Variants in DDAH1 observed in about 807,000 individuals in gnomAD.
DDAH1 encodes the protein N(G),N(G)-dimethylarginine dimethylaminohydrolase 1.
In DDAH1, 19 loss-of-function variants were observed where a neutral mutation model predicts 28.8. The observed-to-expected ratio is 0.66, with a 90% CI of 0.46 to 0.97. The LOEUF (loss-of-function observed/expected upper bound fraction) is 0.97. DDAH1 is among the 50% of genes least tolerant of loss of function. The pLI is 0.00. For synonymous variants in DDAH1, 153 were observed against 154.4 expected (o/e 0.99, Z 0.07); for missense variants, 326 against 375.9 (o/e 0.87, Z 1.10).
chr1:85,551,608 A>C (rs1211190368), intron 1 of DDAH1, among the ~76,000 whole-genome samples: 2 of 152,246 alleles, frequency 1.3e-5, no homozygotes, highest in Non-Finnish European at 2.9e-5. Flanking sequence ...TTAGTGATAC[A>C]AAGATGATAA....
At position 85,464,940 on chromosome 1, in the gene DDAH1, C is replaced by G. The variant is rs768295305; in HGVS notation, c.106G>C (p.Glu36Gln). The G allele has an allele frequency of 6.6e-7, 1 of 1,520,204 alleles. No individual in the cohort carries two copies. The highest frequency in any genetic ancestry group is 1.2e-5 in the South Asian group (1 of 81,810). 94.2% of individuals were successfully genotyped at this position (1,520,204 alleles called of 1,614,324 possible). ...TCCGCGCGGGCGACGTCCACCTCCT[C>G]GCCCTTGGCGCTTCTCAGCGCGTGC... The part of the protein sequence containing the change: ...GQHALRSAKG[E>Q]EVDVARAERQ... The change falls in exon 1 of 6, where the codon GAG becomes CAG. Residue 36 changes from glutamate (E) to glutamine (Q), a missense_variant. Glu to Gln is a conservative substitution (Grantham distance 29, BLOSUM62 2). Coordinates refer to ENST00000284031, the MANE Select transcript of DDAH1 (RefSeq NM_012137.4). This position sits in a 1 kb window ranked among gnomAD's most constrained non-coding sequence, Gnocchi z 4.4.
chr1:85,510,297 G>A (rs1657177541), intron 1 of DDAH1, among the ~76,000 whole-genome samples: 1 of 152,180 alleles, frequency 6.6e-6, no homozygotes, highest in South Asian at 2.1e-4. Context: ...ACAAGCAAAT[G>A]CTGAGAGAAT....
chr1:85,445,261 C>A (rs1303847466), intron 1 of DDAH1, among the ~76,000 whole-genome samples: 1 of 152,098 alleles, frequency 6.6e-6, no homozygotes, highest in Non-Finnish European at 1.5e-5. Context: ...TATTAAGCAT[C>A]ACAGGGGGAC....
intron 1 of DDAH1, among the ~76,000 whole-genome samples, chr1:85,414,475 G>C (rs1200243639): frequency 6.6e-6 from 1 of 152,166 alleles, no homozygotes; most frequent in Non-Finnish European, 1.5e-5. Flanking sequence ...AAGTACCACA[G>C]AGTAAAAAGG....
At chr1:85,456,586 G>T (rs559892182) in intron 1 of DDAH1, among the ~76,000 whole-genome samples, 16 of 152,366 alleles carry the variant, frequency 1.1e-4, no homozygotes, top group Admixed American at 5.9e-4. Flanking sequence ...ATAGGCTAAT[G>T]TAAATGTTCT....
At chr1:85,551,598 T>C (rs1269512641) in intron 1 of DDAH1, among the ~76,000 whole-genome samples, 1 of 152,226 alleles carries the variant, frequency 6.6e-6, no homozygotes, top group Non-Finnish European at 1.5e-5. Context: ...ATGAGAGACA[T>C]TAGTGATACA....
At chr1:85,334,368 A>G (rs1305090866) in intron 4 of DDAH1, among the ~76,000 whole-genome samples, 1 of 152,196 alleles carries the variant, frequency 6.6e-6, no homozygotes, top group African/African-American at 2.4e-5. Context: ...ACGGACTAAT[A>G]CAGTGTAAAA....
At chr1:85,449,292 T>C (rs995061607) in intron 1 of DDAH1, among the ~76,000 whole-genome samples, 7 of 152,160 alleles carry the variant, frequency 4.6e-5, no homozygotes, top group Admixed American at 2.6e-4. Flanking sequence ...CAAGAGGACA[T>C]AGCAGTATGT....
At chr1:85,322,851 G>A (rs918278331) in intron 5 of DDAH1, among the ~76,000 whole-genome samples, 6 of 152,192 alleles carry the variant, frequency 3.9e-5, no homozygotes, top group Non-Finnish European at 5.9e-5. Context: ...TGGTAGGTCA[G>A]ATGATCAATG....
At chr1:85,489,136 A>G (rs952541052) in intron 2 of DDAH1, among the ~76,000 whole-genome samples, 3 of 152,360 alleles carry the variant, frequency 2.0e-5, no homozygotes, top group African/African-American at 7.2e-5. Context: ...CAGAAGATTT[A>G]GTGGTCTTTG....
intron 4 of DDAH1, 97 bp from the exon 5 acceptor site, chr1:85,324,980 C>T: frequency 2.8e-6 from 4 of 1,405,690 alleles, no homozygotes; most frequent in Non-Finnish European, 3.9e-6. Flanking sequence ...GGAACTGACA[C>T]TTTAGGCTGT....
upstream of DDAH1, among the ~76,000 whole-genome samples, chr1:85,469,463 A>T (rs192085921): frequency 5.3e-5 from 8 of 152,348 alleles, no homozygotes; most frequent in East Asian, 1.5e-3. Context: ...AGCAATGAAC[A>T]CGTTATCATA....
chr1:85,573,039 G>A (rs1348667656), intron 1 of DDAH1, among the ~76,000 whole-genome samples: 1 of 152,228 alleles, frequency 6.6e-6, no homozygotes, highest in African/African-American at 2.4e-5. Flanking sequence ...TAATTGCAGT[G>A]AAAGTAAAGA....
intron 2 of DDAH1, among the ~76,000 whole-genome samples, chr1:85,483,063 A>G (rs560414726): frequency 6.6e-6 from 1 of 152,216 alleles, no homozygotes; most frequent in East Asian, 1.9e-4. Flanking sequence ...CATCTCTACT[A>G]AAAAACTGTG....
Position 85,363,373 on chromosome 1 carries a change from A to C in DDAH1, c.304-4526T>G, listed in dbSNP as rs377553868. Among the ~76,000 whole-genome samples, 23 of 152,312 alleles carry C rather than the reference A, an allele frequency of 1.5e-4. No individual in the cohort carries two copies. In the South Asian group the frequency reaches 1.7e-3, roughly 11 times the overall value. ...AACCACAGTTCTGCCATGTGCTAGA[A>C]GCTGTGCTATCACCAATGTCACCAC... On this transcript the variant is annotated intron_variant, in intron 1 of 5. Transcript: ENST00000284031.
At chr1:85,394,606 T>A (rs961511084) in intron 1 of DDAH1, among the ~76,000 whole-genome samples, 1 of 152,216 alleles carries the variant, frequency 6.6e-6, no homozygotes, top group Admixed American at 6.5e-5. Flanking sequence ...AACCTCATAT[T>A]TAACTTTAGG....
chr1:85,331,465 C>A (rs1485077071), intron 4 of DDAH1, among the ~76,000 whole-genome samples: 5 of 148,106 alleles, frequency 3.4e-5, no homozygotes, highest in African/African-American at 1.2e-4. Context: ...CTTAACATAT[C>A]AAAGCTAAAC....
chr1:85,471,015 T>A (rs1655600221), intron 2 of DDAH1, among the ~76,000 whole-genome samples: 1 of 152,234 alleles, frequency 6.6e-6, no homozygotes, highest in South Asian at 2.1e-4. Context: ...TTTTCTGTCT[T>A]GCTTGAAGCT....
intron 1 of DDAH1, among the ~76,000 whole-genome samples, chr1:85,519,972 CTTTATTTA>C (rs1553145018): frequency 6.6e-6 from 1 of 150,604 alleles, no homozygotes; most frequent in African/African-American, 2.4e-5. Flanking sequence ...TTTTTTTCCC[CTTTATTTA>C]TTTATTTATT....
Sources: gnomAD v4.1 joint callset for allele counts (sites outside exome capture counted in the v4.1 genomes callset) on GRCh38, gnomAD v4.1.1 for gene constraint, Gnocchi (gnomAD v3.1) non-coding constraint, MANE v1.5 for transcripts, NCBI Gene and HGNC (gene_info 2026-07-23, HGNC 2026-07-21) for gene names.